Variants in CPNE8 observed in about 807,000 individuals in gnomAD.
The protein encoded by CPNE8 is copine 8, also known as copine-8.
A neutral mutation model predicts 81.5 loss-of-function variants in CPNE8; 45 were observed. The observed-to-expected ratio is 0.55, with a 90% CI of 0.44 to 0.71. The LOEUF (loss-of-function observed/expected upper bound fraction) is 0.71, where lower values mean the gene tolerates loss of function less well. Among genes scored for constraint, CPNE8 ranks in the 30% least tolerant of loss-of-function variants. The pLI, the probability that CPNE8 is intolerant of heterozygous loss-of-function variation, is 0.00. For synonymous variants in CPNE8, 252 were observed against 226.3 expected (o/e 1.11, Z -1.02); for missense variants, 594 against 672.1 (o/e 0.88, Z 1.28).
intron 10 of CPNE8, among the ~76,000 whole-genome samples, chr12:38,736,345 A>G (rs1234148385): frequency 6.6e-6 from 1 of 151,726 alleles, no homozygotes; most frequent in Non-Finnish European, 1.5e-5. Context: ...TTATATCCAC[A>G]CAAAGATACA....
intron 19 of CPNE8, among the ~76,000 whole-genome samples, chr12:38,662,685 A>G (rs1179259614): frequency 6.6e-6 from 1 of 152,162 alleles, no homozygotes; most frequent in Non-Finnish European, 1.5e-5. Flanking sequence ...TAGCCAAAGC[A>G]ATTCTGAGCC....
At chr12:38,688,086 T>A (rs1018109334) in intron 15 of CPNE8, among the ~76,000 whole-genome samples, 2 of 152,204 alleles carry the variant, frequency 1.3e-5, no homozygotes, top group African/African-American at 4.8e-5. Flanking sequence ...GTATTATATA[T>A]CTACCTTAAG....
At chr12:38,751,598 T>C (rs1226916799) in intron 10 of CPNE8, among the ~76,000 whole-genome samples, 2 of 152,224 alleles carry the variant, frequency 1.3e-5, no homozygotes, top group Admixed American at 1.3e-4. Flanking sequence ...TACTACATTA[T>C]GCCTACAGGC....
At chr12:38,878,125 C>T (rs1944094436) in intron 1 of CPNE8, among the ~76,000 whole-genome samples, 1 of 152,178 alleles carries the variant, frequency 6.6e-6, no homozygotes, top group Non-Finnish European at 1.5e-5. Context: ...AATAATCCAC[C>T]CCGTGGATAT....
intron 10 of CPNE8, among the ~76,000 whole-genome samples, chr12:38,735,403 A>T (rs1940930529): frequency 6.6e-6 from 1 of 152,024 alleles, no homozygotes. Flanking sequence ...AGGTGACTGG[A>T]ACCAAGCCTT....
At chr12:38,869,282 C>T (rs954109842) in intron 3 of CPNE8, among the ~76,000 whole-genome samples, 1 of 152,086 alleles carries the variant, frequency 6.6e-6, no homozygotes, top group African/African-American at 2.4e-5. Flanking sequence ...GTTTTGTTAT[C>T]CTTTTACAAG....
At chr12:38,732,886 A>C (rs140737180) in intron 10 of CPNE8, among the ~76,000 whole-genome samples, 1,967 of 152,166 alleles carry the variant, frequency 0.013, 29 homozygotes, top group South Asian at 0.042. Context: ...ATTTTGAACA[A>C]AACACTGAAT....
intron 6 of CPNE8, among the ~76,000 whole-genome samples, chr12:38,787,507 C>T (rs1052432494): frequency 7.7e-6 from 1 of 129,492 alleles, no homozygotes; most frequent in Non-Finnish European, 1.6e-5. Flanking sequence ...AAAAGAAAAA[C>T]TTCAAATGAA....
At chr12:38,887,908 A>G (rs971726424) in intron 1 of CPNE8, among the ~76,000 whole-genome samples, 1 of 152,216 alleles carries the variant, frequency 6.6e-6, no homozygotes, top group Non-Finnish European at 1.5e-5. Flanking sequence ...TAAAAGCAGT[A>G]ACCACATTTC....
chr12:38,677,200 A>G (rs983392057), intron 17 of CPNE8, among the ~76,000 whole-genome samples: 2 of 151,988 alleles, frequency 1.3e-5, no homozygotes, highest in African/African-American at 4.8e-5. Flanking sequence ...ATGCCTGTGA[A>G]AATTATGCTA....
chr12:38,746,086 T>A (rs1249460343), intron 10 of CPNE8, among the ~76,000 whole-genome samples: 3 of 152,162 alleles, frequency 2.0e-5, no homozygotes, highest in African/African-American at 7.2e-5. Context: ...AGTAAGACAA[T>A]TTCAATATAT....
intron 6 of CPNE8, among the ~76,000 whole-genome samples, chr12:38,826,963 T>C (rs1184947599): frequency 2.1e-5 from 3 of 145,434 alleles, no homozygotes; most frequent in East Asian, 2.0e-4. Context: ...AGGTCAGGAG[T>C]TCGAGACCAG....
chr12:38,808,057 C>A (rs1193405361), intron 6 of CPNE8, among the ~76,000 whole-genome samples: 2 of 152,028 alleles, frequency 1.3e-5, no homozygotes, highest in Non-Finnish European at 2.9e-5. Context: ...AATGAGATAT[C>A]ATCTCACACC....
chr12:38,841,621 T>A (rs910007027), intron 4 of CPNE8, among the ~76,000 whole-genome samples: 2 of 152,130 alleles, frequency 1.3e-5, no homozygotes, highest in Non-Finnish European at 2.9e-5. Context: ...AGCATCCTTA[T>A]CTGTGAGAGC....
At chr12:38,659,943 C>A (rs1302842919) in intron 19 of CPNE8, among the ~76,000 whole-genome samples, 1 of 152,054 alleles carries the variant, frequency 6.6e-6, no homozygotes, top group Non-Finnish European at 1.5e-5. Flanking sequence ...AACTACAAAC[C>A]ACTGCTCAAT....
At chr12:38,777,258 A>C (rs990524389) in intron 6 of CPNE8, among the ~76,000 whole-genome samples, 1 of 152,150 alleles carries the variant, frequency 6.6e-6, no homozygotes, top group Non-Finnish European at 1.5e-5. Flanking sequence ...AACAAAAAAA[A>C]GTTTAAAAAG....
At chr12:38,733,399 C>T (rs1719856) in intron 10 of CPNE8, among the ~76,000 whole-genome samples, 83,876 of 151,646 alleles carry the variant, frequency 0.55, 23,748 homozygotes, top group East Asian at 0.81. Flanking sequence ...ATATAATGTG[C>T]ATTAATATTT....
chr12:38,854,854 G>A (rs1417350814), intron 3 of CPNE8, among the ~76,000 whole-genome samples: 1 of 152,062 alleles, frequency 6.6e-6, no homozygotes, highest in African/African-American at 2.4e-5. Flanking sequence ...AGACAAGGAT[G>A]CCCACTCTCA....
chr12:38,659,726 A>C (rs1938907538), intron 19 of CPNE8, among the ~76,000 whole-genome samples: 1 of 152,164 alleles, frequency 6.6e-6, no homozygotes, highest in South Asian at 2.1e-4. Context: ...TCAAATTAGA[A>C]CTCAGGATTA....
Sources: gnomAD v4.1 joint callset for allele counts (sites outside exome capture counted in the v4.1 genomes callset) on GRCh38, gnomAD v4.1.1 for gene constraint, MANE v1.5 for transcripts, NCBI Gene and HGNC (gene_info 2026-07-23, HGNC 2026-07-21) for gene names.